Variants in RANBP2 observed in about 807,000 individuals in gnomAD.
RANBP2 encodes E3 SUMO-protein ligase RanBP2.
Under a neutral mutation model 303.6 loss-of-function variants are expected in RANBP2, and 57 were observed. The observed-to-expected ratio is 0.19, with a 90% CI of 0.15 to 0.23. RANBP2 has a LOEUF of 0.23. Ranked by LOEUF, RANBP2 falls within the 10% of genes least tolerant of loss-of-function variation. The pLI, the probability that RANBP2 is intolerant of heterozygous loss-of-function variation, is 1.00. For missense variants in RANBP2, 3,138 were observed against 3,780.8 expected, an observed-to-expected ratio of 0.83 and a Z score of 4.46; for synonymous variants, 1,167 against 1,301.5, an observed-to-expected ratio of 0.90 and a Z score of 2.23.
At chr2:109,633,394 A>AAAAACAAAACAAAAC in the RANBP2 span, among the ~76,000 whole-genome samples, 1 of 150,752 alleles carries the variant, frequency 6.6e-6, no homozygotes, top group African/African-American at 2.4e-5. Flanking sequence ...CTCCATCTCA[A>AAAAACAAAACAAAAC]AAAACAAAAC....
the RANBP2 span, among the ~76,000 whole-genome samples, chr2:109,042,844 A>G: frequency 6.6e-6 from 1 of 152,200 alleles, no homozygotes; most frequent in Non-Finnish European, 1.5e-5. Context: ...GTCTTATTCT[A>G]CTGAATTTTA....
chr2:109,348,228 C>A, the RANBP2 span, among the ~76,000 whole-genome samples: 3 of 152,208 alleles, frequency 2.0e-5, no homozygotes, highest in Non-Finnish European at 4.4e-5. Context: ...TCCATCAGCA[C>A]CAGGAGCAGA....
the RANBP2 span, among the ~76,000 whole-genome samples, chr2:109,218,772 C>T: frequency 6.6e-6 from 1 of 152,182 alleles, no homozygotes; most frequent in Admixed American, 6.5e-5. Context: ...TGGGCTCTGA[C>T]TATATTTGCT....
At chr2:109,439,969 A>G in the RANBP2 span, among the ~76,000 whole-genome samples, 1 of 152,206 alleles carries the variant, frequency 6.6e-6, no homozygotes, top group Non-Finnish European at 1.5e-5. Flanking sequence ...GGAGTAGGGC[A>G]TATGGAAAGT....
the RANBP2 span, among the ~76,000 whole-genome samples, chr2:109,232,881 G>A: frequency 6.6e-6 from 1 of 152,076 alleles, no homozygotes; most frequent in African/African-American, 2.4e-5. Flanking sequence ...ACACTTTTTG[G>A]TTTACAGTTC....
chr2:108,725,402 A>G lies in RANBP2; in HGVS notation c.73-3730A>G, dbSNP rs186240076. Reference sequence around the variant, plus strand: ...TTTAATAACATAGTTGGAAGCAAAGAAGGTAATGGAATTATTTTTCTATTA... The same window carrying G: ...TTTAATAACATAGTTGGAAGCAAAGGAGGTAATGGAATTATTTTTCTATTA... On this transcript the variant is annotated intron_variant, in intron 1 of 28. Transcript: ENST00000283195. Among the ~76,000 whole-genome samples the G allele has an allele frequency of 1.9e-3, 292 of 152,334 alleles. 3 individuals carry two copies. Among genetic ancestry groups the G allele is most frequent in the African/African-American group, 6.8e-3 (283 of 41,572 alleles).
At chr2:109,633,204 C>T in the RANBP2 span, among the ~76,000 whole-genome samples, 1 of 152,062 alleles carries the variant, frequency 6.6e-6, no homozygotes, top group Non-Finnish European at 1.5e-5. Context: ...ACCAGCCTGC[C>T]AACATGGCAA....
chr2:108,837,924 A>ATT, the RANBP2 span, among the ~76,000 whole-genome samples: 1 of 144,720 alleles, frequency 6.9e-6, no homozygotes, highest in African/African-American at 2.5e-5. Flanking sequence ...AATTTTTTCG[A>ATT]TTTTTTTTTT....
chr2:109,160,475 C>T, the RANBP2 span, among the ~76,000 whole-genome samples: 3 of 152,216 alleles, frequency 2.0e-5, no homozygotes, highest in Non-Finnish European at 2.9e-5. Flanking sequence ...CCCAAGAGGA[C>T]GCAGCTGAAA....
the RANBP2 span, among the ~76,000 whole-genome samples, chr2:109,448,644 A>ATTT: frequency 6.6e-6 from 1 of 152,216 alleles, no homozygotes; most frequent in Non-Finnish European, 1.5e-5. Context: ...CAGGAAAATA[A>ATTT]GCTCAGGGGT....
intron 8 of RANBP2, 137 bp downstream of exon 8, chr2:108,746,935 A>G: frequency 7.9e-7 from 1 of 1,259,142 alleles, no homozygotes; most frequent in Non-Finnish European, 1.1e-6. Context: ...GTTAAGAGCA[A>G]TAGGTATGGA....
chr2:109,598,638 G>A, the RANBP2 span, among the ~76,000 whole-genome samples: 1 of 151,632 alleles, frequency 6.6e-6, no homozygotes, highest in Non-Finnish European at 1.5e-5. Flanking sequence ...AGGTCAGGAG[G>A]TCAACACCAG....
the RANBP2 span, among the ~76,000 whole-genome samples, chr2:109,200,608 G>A: frequency 6.6e-6 from 1 of 152,160 alleles, no homozygotes; most frequent in Non-Finnish European, 1.5e-5. Context: ...AGATGCCACA[G>A]CCTCTTAAAG....
the RANBP2 span, among the ~76,000 whole-genome samples, chr2:108,995,344 T>C: frequency 2.6e-5 from 4 of 152,150 alleles, no homozygotes; most frequent in East Asian, 7.7e-4. Flanking sequence ...ATCACACCTA[T>C]TACAACATTT....
chr2:109,316,997 A>G, the RANBP2 span, among the ~76,000 whole-genome samples: 1 of 151,348 alleles, frequency 6.6e-6, no homozygotes, highest in South Asian at 2.1e-4. Flanking sequence ...TCTTTTTATC[A>G]CTGAATAACA....
chr2:109,658,680 A>G, the RANBP2 span, among the ~76,000 whole-genome samples: 1 of 152,170 alleles, frequency 6.6e-6, no homozygotes, highest in Non-Finnish European at 1.5e-5. Context: ...TAATCCCAGC[A>G]CTTTGGGAGA....
At position 108,763,230 on chromosome 2, in the gene RANBP2, C is replaced by G; in HGVS notation, c.2698-7C>G. The G allele has an allele frequency of 6.2e-7, 1 of 1,613,294 alleles. No homozygotes were observed. The highest frequency in any genetic ancestry group is 1.3e-5 in the African/African-American group (1 of 74,962). On this transcript the variant is annotated splice_region_variant and splice_polypyrimidine_tract_variant and intron_variant, in intron 19 of 28. Transcript: ENST00000283195. Reference sequence around the variant, plus strand: ...TCTACAAAATGTTTTAACTTTCTGTCTTTTAGGGCCCAGTCTATGGCATGA... The same window carrying G: ...TCTACAAAATGTTTTAACTTTCTGTGTTTTAGGGCCCAGTCTATGGCATGA...
the RANBP2 span, among the ~76,000 whole-genome samples, chr2:109,396,355 G>A: frequency 6.6e-6 from 1 of 152,210 alleles, no homozygotes; most frequent in Admixed American, 6.5e-5. Context: ...ACATGTTGGA[G>A]CCCGGAGTGA....
chr2:108,786,600 A>G (rs1678761916), downstream of RANBP2, among the ~76,000 whole-genome samples: 1 of 151,902 alleles, frequency 6.6e-6, no homozygotes, highest in South Asian at 2.1e-4. Context: ...GGGGAGATGC[A>G]ATACTACTCA....
Sources: allele counts gnomAD v4.1 joint callset (sites outside exome capture counted in the v4.1 genomes callset), GRCh38; gene constraint gnomAD v4.1.1; transcripts MANE v1.5; gene names NCBI Gene and HGNC (gene_info 2026-07-23, HGNC 2026-07-21).